The following FAM78B variants were observed in gnomAD, a reference collection of about 807,000 sequenced individuals.
The protein encoded by FAM78B is protein FAM78B.
FAM78B carries 10 observed loss-of-function variants against 20.0 expected under a neutral mutation model. The observed-to-expected ratio is 0.50, with a 90% CI of 0.31 to 0.85. The LOEUF (loss-of-function observed/expected upper bound fraction) is 0.85. FAM78B is among the 40% of genes least tolerant of loss of function. The pLI is 0.05. For synonymous variants in FAM78B, 135 were observed against 132.8 expected (o/e 1.02, Z -0.12); for missense variants, 283 against 345.0 (o/e 0.82, Z 1.42).
chr1:166,084,230 C>CAT lies in FAM78B; in HGVS notation c.264-13468_264-13467insAT, dbSNP rs1571145938. Among the ~76,000 whole-genome samples, 4 of 138,630 alleles carry CAT rather than the reference C, an allele frequency of 2.9e-5. No individual in the cohort carries two copies. In the East Asian group the frequency reaches 8.6e-4, roughly 30 times the overall value. 90.9% of individuals were successfully genotyped at this position (138,630 alleles called of 152,430 possible). ...CCACACACACACACACACACACACA[C>CAT]ACACACACTCTCTCTCTCTCTCTCT... On this transcript the variant is annotated intron_variant, in intron 1 of 1. Coordinates refer to ENST00000354422, the MANE Select transcript of FAM78B (RefSeq NM_001017961.5).
At chr1:166,153,670 G>A (rs1354236015) in intron 1 of FAM78B, among the ~76,000 whole-genome samples, 1 of 152,084 alleles carries the variant, frequency 6.6e-6, no homozygotes, top group Non-Finnish European at 1.5e-5. Flanking sequence ...GCTGCAACAG[G>A]ACTATGTAAG....
chr1:166,097,772 C>T (rs1653344108), intron 1 of FAM78B, among the ~76,000 whole-genome samples: 1 of 152,004 alleles, frequency 6.6e-6, no homozygotes, highest in African/African-American at 2.4e-5. Flanking sequence ...AGCCCCGCCC[C>T]CACCTGATGG....
intron 1 of FAM78B, among the ~76,000 whole-genome samples, chr1:166,159,164 C>T (rs1047113648): frequency 3.9e-5 from 6 of 152,212 alleles, no homozygotes; most frequent in African/African-American, 1.2e-4. Flanking sequence ...ACAGTAACAG[C>T]GGCCATAACT....
At position 166,166,708 on chromosome 1, in the gene FAM78B, A is replaced by T. The variant is rs1376273650; in HGVS notation, c.-460T>A. On this transcript the variant is annotated 5_prime_UTR_variant, in exon 1 of 2. Transcript: ENST00000354422. Reference sequence around the variant, plus strand: ...TGTCTGCCTCCGCGGCGGCAGCAGCAGCAGCCGCCGCCGCCGCCGCCGCTG... The same window carrying T: ...TGTCTGCCTCCGCGGCGGCAGCAGCTGCAGCCGCCGCCGCCGCCGCCGCTG... 1 of 148,848 alleles carries T rather than the reference A, an allele frequency of 6.7e-6. No individual in the cohort carries two copies. The highest frequency in any genetic ancestry group is 2.4e-5 in the African/African-American group (1 of 40,904). 9.2% of individuals were successfully genotyped at this position (148,848 alleles called of 1,614,324 possible). A position where few individuals can be genotyped will look rare whatever the true frequency, so the allele number is the denominator to read the frequency against.
intron 1 of FAM78B, among the ~76,000 whole-genome samples, chr1:166,110,679 G>A (rs115679633): frequency 6.8e-4 from 104 of 152,312 alleles, no homozygotes; most frequent in Non-Finnish European, 1.2e-3. Context: ...GCCACACAGG[G>A]AGACCTGAGG....
intron 1 of FAM78B, among the ~76,000 whole-genome samples, chr1:166,165,589 A>T (rs1023085603): frequency 2.0e-5 from 3 of 151,592 alleles, no homozygotes; most frequent in Non-Finnish European, 4.4e-5. Context: ...CGCCCCCGGC[A>T]CTCCACTCCA....
chr1:166,150,337 T>A (rs1293830865), intron 1 of FAM78B, among the ~76,000 whole-genome samples: 3 of 152,148 alleles, frequency 2.0e-5, no homozygotes, highest in Non-Finnish European at 4.4e-5. Context: ...CTTGCCTAGA[T>A]AGGCAGCTTG....
intron 1 of FAM78B, among the ~76,000 whole-genome samples, chr1:166,108,078 T>C (rs1653857429): frequency 6.6e-6 from 1 of 152,074 alleles, no homozygotes; most frequent in Non-Finnish European, 1.5e-5. Context: ...CTCTGAGAAC[T>C]GGAACAAGAC....
intron 1 of FAM78B, among the ~76,000 whole-genome samples, chr1:166,123,927 A>G (rs1398166459): frequency 6.6e-6 from 1 of 152,178 alleles, no homozygotes; most frequent in Non-Finnish European, 1.5e-5. Flanking sequence ...AGAATGGGGA[A>G]TGTGATTGGT....
At chr1:166,110,213 A>G (rs958739121) in intron 1 of FAM78B, among the ~76,000 whole-genome samples, 2 of 151,678 alleles carry the variant, frequency 1.3e-5, no homozygotes, top group Non-Finnish European at 2.9e-5. Context: ...ATCACCACTT[A>G]AGAACTTACT....
At chr1:166,129,006 G>T (rs998454050) in intron 1 of FAM78B, among the ~76,000 whole-genome samples, 3 of 152,138 alleles carry the variant, frequency 2.0e-5, no homozygotes, top group Non-Finnish European at 4.4e-5. Context: ...CCAAAGTTGG[G>T]TCACCTGCTG....
intron 1 of FAM78B, among the ~76,000 whole-genome samples, chr1:166,118,944 A>C (rs1654364510): frequency 6.6e-6 from 1 of 152,024 alleles, no homozygotes; most frequent in Admixed American, 6.5e-5. Flanking sequence ...AGACACCAGG[A>C]CAGAGGGGCA....
At chr1:166,084,630 C>G (rs1652735720) in intron 1 of FAM78B, among the ~76,000 whole-genome samples, 1 of 152,234 alleles carries the variant, frequency 6.6e-6, no homozygotes, top group African/African-American at 2.4e-5. Flanking sequence ...GGCTGTAAGG[C>G]TCCCAGGGAT....
At chr1:166,100,938 C>A (rs1272654049) in intron 1 of FAM78B, among the ~76,000 whole-genome samples, 1 of 152,200 alleles carries the variant, frequency 6.6e-6, no homozygotes, top group African/African-American at 2.4e-5. Flanking sequence ...CTGGGAGGCA[C>A]CCCCAGTAGG....
Position 166,070,502 on chromosome 1 carries a change from G to T in FAM78B, c.525C>A (p.Ala175=). 3.7e-6 allele frequency: 6 copies of T among 1,614,162 alleles called. No individual in the cohort carries two copies. Among genetic ancestry groups the T allele is most frequent in the Non-Finnish European group, 4.2e-6 (5 of 1,180,024 alleles). ...TCTTCTCCTTTGTGGTGGTGTTCAT[G>T]GCCACCAGCCAGGTCGTGAAACTTT... ...RDQSFTTWLV[A]MNTTTKEKII... The change falls in exon 2 of 2, where the codon GCC becomes GCA. Residue 175 remains alanine, a synonymous_variant. Coordinates refer to ENST00000354422, the MANE Select transcript of FAM78B (RefSeq NM_001017961.5).
At chr1:166,076,575 T>G (rs1457446983) in intron 1 of FAM78B, among the ~76,000 whole-genome samples, 1 of 152,180 alleles carries the variant, frequency 6.6e-6, no homozygotes, top group Non-Finnish European at 1.5e-5. Flanking sequence ...TCTAATACAC[T>G]ATAACTTACT....
chr1:166,070,213 A>C lies in FAM78B; in HGVS notation c.*28T>G. The C allele has an allele frequency of 6.6e-7, 1 of 1,503,864 alleles. No homozygotes were observed. Among genetic ancestry groups the C allele is most frequent in the Non-Finnish European group, 8.9e-7 (1 of 1,125,250 alleles). 93.2% of individuals were successfully genotyped at this position (1,503,864 alleles called of 1,614,324 possible). A position where few individuals can be genotyped will look rare whatever the true frequency, so the allele number is the denominator to read the frequency against. On this transcript the variant is annotated 3_prime_UTR_variant, in exon 2 of 2. Coordinates refer to ENST00000354422, the MANE Select transcript of FAM78B (RefSeq NM_001017961.5). The stretch of plus-strand genomic sequence containing the variant: ...TCACTGCATGTCTCAGAGGCGTGTG[A>C]TCCACACACAGTCAGGCCAGTCTGC...
At chr1:166,079,409 G>T (rs1652476815) in intron 1 of FAM78B, among the ~76,000 whole-genome samples, 1 of 152,168 alleles carries the variant, frequency 6.6e-6, no homozygotes, top group Non-Finnish European at 1.5e-5. Flanking sequence ...GTCTATTCAG[G>T]CCTTTTCACT....
chr1:166,091,857 A>T (rs1653086908), intron 1 of FAM78B, among the ~76,000 whole-genome samples: 2 of 152,240 alleles, frequency 1.3e-5, no homozygotes, highest in Non-Finnish European at 2.9e-5. Context: ...ACCAGAGCTC[A>T]GAAAGGTTAC....
Sources: allele counts gnomAD v4.1 joint callset (sites outside exome capture counted in the v4.1 genomes callset), GRCh38; gene constraint gnomAD v4.1.1; transcripts MANE v1.5; gene names NCBI Gene and HGNC (gene_info 2026-07-23, HGNC 2026-07-21).